Variants in GRM7 observed in about 807,000 individuals in gnomAD.
The protein encoded by GRM7 is glutamate metabotropic receptor 7, also known as metabotropic glutamate receptor 7.
A neutral mutation model predicts 84.5 loss-of-function variants in GRM7; 35 were observed. The observed-to-expected ratio is 0.41, with a 90% CI of 0.32 to 0.55. The LOEUF (loss-of-function observed/expected upper bound fraction) is 0.55. Among genes scored for constraint, GRM7 ranks in the 20% least tolerant of loss-of-function variants. GRM7 has a pLI of 0.19. For synonymous variants in GRM7, 487 were observed against 455.1 expected (o/e 1.07, Z -0.89); for missense variants, 1,003 against 1,194.6 (o/e 0.84, Z 2.36).
At chr3:6,931,991 T>C (rs963120469) in intron 1 of GRM7, among the ~76,000 whole-genome samples, 1 of 152,148 alleles carries the variant, frequency 6.6e-6, no homozygotes, top group African/African-American at 2.4e-5. Flanking sequence ...TATTGCTGCG[T>C]GGGTAGGGTG....
intron 9 of GRM7, among the ~76,000 whole-genome samples, chr3:7,696,028 GAGA>G (rs1211013783): frequency 2.6e-5 from 4 of 152,132 alleles, no homozygotes; most frequent in East Asian, 1.9e-4. Context: ...CACAAAGTTA[GAGA>G]AGATTTCCAT....
intron 9 of GRM7, among the ~76,000 whole-genome samples, chr3:7,687,230 A>G (rs1315956641): frequency 6.6e-6 from 1 of 152,192 alleles, no homozygotes; most frequent in African/African-American, 2.4e-5. Context: ...GATTAGAGAA[A>G]ATGATGTATT....
intron 1 of GRM7, among the ~76,000 whole-genome samples, chr3:6,990,937 T>C (rs1306474903): frequency 2.0e-5 from 3 of 152,086 alleles, no homozygotes; most frequent in Non-Finnish European, 2.9e-5. Flanking sequence ...GGAGCGGTGG[T>C]AGGAGCCTAT....
chr3:7,645,273 G>A (rs1383691927), intron 8 of GRM7, among the ~76,000 whole-genome samples: 2 of 152,048 alleles, frequency 1.3e-5, no homozygotes, highest in Non-Finnish European at 2.9e-5. Context: ...AGTTGGCTGG[G>A]CACAGTGGCT....
intron 2 of GRM7, among the ~76,000 whole-genome samples, chr3:7,279,733 A>G (rs546452492): frequency 9.9e-5 from 15 of 152,154 alleles, no homozygotes; most frequent in Non-Finnish European, 2.2e-4. Flanking sequence ...GTTTCTATGC[A>G]TTACATGCTC....
chr3:6,903,206 G>GT (rs79484992), intron 1 of GRM7, among the ~76,000 whole-genome samples: 36,468 of 144,448 alleles, frequency 0.25, 4,579 homozygotes, highest in Non-Finnish European at 0.28. Context: ...ATTTTATAGG[G>GT]TTTTTTTTTT....
chr3:7,607,677 T>C (rs1488957124), intron 8 of GRM7: 1 of 151,094 alleles, frequency 6.6e-6, no homozygotes, highest in African/African-American at 2.4e-5. Flanking sequence ...TGAGGACAGC[T>C]TGTCGTCTAC....
At chr3:7,328,733 G>A (rs1701079419) in intron 4 of GRM7, among the ~76,000 whole-genome samples, 1 of 152,102 alleles carries the variant, frequency 6.6e-6, no homozygotes, top group South Asian at 2.1e-4. Flanking sequence ...GTAGCTAAAT[G>A]CATTCCTCTC....
chr3:7,664,594 G>C (rs931115463), intron 8 of GRM7, among the ~76,000 whole-genome samples: 1 of 152,136 alleles, frequency 6.6e-6, no homozygotes, highest in Non-Finnish European at 1.5e-5. Flanking sequence ...ACGTGCAATG[G>C]TGGTTTACTG....
chr3:7,329,335 G>A (rs1298553446), intron 4 of GRM7, among the ~76,000 whole-genome samples: 1 of 152,100 alleles, frequency 6.6e-6, no homozygotes, highest in Non-Finnish European at 1.5e-5. Flanking sequence ...ACCGTGCCTC[G>A]CCATAAATTG....
chr3:7,323,055 C>T (rs950118456), intron 4 of GRM7, among the ~76,000 whole-genome samples: 1 of 152,084 alleles, frequency 6.6e-6, no homozygotes, highest in African/African-American at 2.4e-5. Context: ...CTCGCTTCCC[C>T]CTGAACACAC....
chr3:7,452,556 ATT>A (rs776426278), intron 5 of GRM7, 49 bp from the exon 6 acceptor site: 3 of 1,137,480 alleles, frequency 2.6e-6, no homozygotes, highest in Non-Finnish European at 3.9e-6. Context: ...CTCAATGCCA[ATT>A]TGTGTGTGTG....
intron 1 of GRM7, among the ~76,000 whole-genome samples, chr3:6,871,245 A>G (rs540790766): frequency 6.6e-6 from 1 of 152,286 alleles, no homozygotes; most frequent in Non-Finnish European, 1.5e-5. Context: ...TATAATTGCA[A>G]CCATATTTTG....
intron 7 of GRM7, among the ~76,000 whole-genome samples, chr3:7,562,370 A>C (rs1009589457): frequency 2.6e-5 from 4 of 152,052 alleles, no homozygotes; most frequent in Non-Finnish European, 5.9e-5. Context: ...AAGAAAAAAA[A>C]AATACTAGTT....
At chr3:7,554,595 A>C (rs1250178802) in intron 7 of GRM7, among the ~76,000 whole-genome samples, 1 of 152,214 alleles carries the variant, frequency 6.6e-6, no homozygotes, top group African/African-American at 2.4e-5. Context: ...AGCCTAATAA[A>C]AGTTGATTTA....
chr3:6,871,114 A>T (rs460041), intron 1 of GRM7, among the ~76,000 whole-genome samples: 48,516 of 152,062 alleles, frequency 0.32, 8,241 homozygotes, highest in South Asian at 0.46. Context: ...TCTGCAGTAA[A>T]ACTGAACAAA....
At chr3:7,291,207 G>T (rs932232498) in intron 2 of GRM7, among the ~76,000 whole-genome samples, 12 of 151,922 alleles carry the variant, frequency 7.9e-5, no homozygotes, top group Non-Finnish European at 1.3e-4. Flanking sequence ...TTGAGGCAAA[G>T]ATCATTTAGG....
At chr3:7,097,820 G>A (rs1443033534) in intron 1 of GRM7, among the ~76,000 whole-genome samples, 2 of 152,064 alleles carry the variant, frequency 1.3e-5, no homozygotes, top group Non-Finnish European at 2.9e-5. Flanking sequence ...TCGAAGCCAT[G>A]CTTTTCTAAT....
At chr3:7,018,953 C>T (rs1200669276) in intron 1 of GRM7, among the ~76,000 whole-genome samples, 2 of 152,064 alleles carry the variant, frequency 1.3e-5, no homozygotes, top group Admixed American at 6.6e-5. Context: ...AAAAATTAGC[C>T]AGGCGTCATG....
Sources: allele counts gnomAD v4.1 joint callset (sites outside exome capture counted in the v4.1 genomes callset), GRCh38; gene constraint gnomAD v4.1.1; transcripts MANE v1.5; gene names NCBI Gene and HGNC (gene_info 2026-07-23, HGNC 2026-07-21).